The following NCAM2 variants were observed in gnomAD, a reference collection of about 807,000 sequenced individuals.
The protein encoded by NCAM2 is N-CAM-2.
In NCAM2, 30 loss-of-function variants were observed where a neutral mutation model predicts 98.1. That is an observed-to-expected ratio of 0.31 (90% CI 0.23 to 0.41). NCAM2 has a LOEUF of 0.41. NCAM2 is among the 10% of genes least tolerant of loss of function. The pLI is 1.00. For missense variants in NCAM2, 867 were observed against 1,005.8 expected, an observed-to-expected ratio of 0.86 and a Z score of 1.87; for synonymous variants, 368 against 342.4, an observed-to-expected ratio of 1.07 and a Z score of -0.83.
At chr21:21,079,317 T>A (rs2065744877) in intron 1 of NCAM2, among the ~76,000 whole-genome samples, 1 of 152,190 alleles carries the variant, frequency 6.6e-6, no homozygotes, top group Non-Finnish European at 1.5e-5. Flanking sequence ...AGAGATAATT[T>A]CATTCATTCA....
At chr21:21,088,844 C>T (rs8131285) in intron 1 of NCAM2, among the ~76,000 whole-genome samples, 34,603 of 151,504 alleles carry the variant, frequency 0.23, 4,562 homozygotes, top group African/African-American at 0.37. Context: ...TGGTGGCGGG[C>T]GCCTGTAGTC....
chr21:21,084,632 T>C (rs2065872730), intron 1 of NCAM2, among the ~76,000 whole-genome samples: 1 of 152,218 alleles, frequency 6.6e-6, no homozygotes, highest in African/African-American at 2.4e-5. Flanking sequence ...AATAAAACAT[T>C]AGAAATTCAC....
intron 5 of NCAM2, among the ~76,000 whole-genome samples, chr21:21,299,977 A>T (rs1021134417): frequency 6.6e-6 from 1 of 152,024 alleles, no homozygotes; most frequent in East Asian, 1.9e-4. Flanking sequence ...AATACTTAAT[A>T]CATTGTAGAT....
At chr21:21,351,055 A>G (rs1416989961) in intron 8 of NCAM2, among the ~76,000 whole-genome samples, 1 of 136,060 alleles carries the variant, frequency 7.3e-6, no homozygotes, top group Middle Eastern at 3.8e-3. Context: ...CGGAGGTTGC[A>G]GTGAGCTGAG....
intron 1 of NCAM2, among the ~76,000 whole-genome samples, chr21:21,040,216 G>A (rs1328249717): frequency 6.6e-6 from 1 of 152,060 alleles, no homozygotes; most frequent in Non-Finnish European, 1.5e-5. Flanking sequence ...GTTTCCTTTT[G>A]AAGATACTGA....
At chr21:21,031,982 G>A (rs1332679374) in intron 1 of NCAM2, among the ~76,000 whole-genome samples, 2 of 152,116 alleles carry the variant, frequency 1.3e-5, no homozygotes, top group African/African-American at 2.4e-5. Context: ...GCTACATACA[G>A]GAACATTAAG....
chr21:21,209,612 C>T (rs975862753), intron 1 of NCAM2, among the ~76,000 whole-genome samples: 43 of 152,018 alleles, frequency 2.8e-4, no homozygotes, highest in Non-Finnish European at 2.1e-4. Flanking sequence ...GAAGTGGGTC[C>T]ATCAACAAAG....
At chr21:21,224,283 G>A (rs965094694) in intron 1 of NCAM2, among the ~76,000 whole-genome samples, 9 of 152,134 alleles carry the variant, frequency 5.9e-5, no homozygotes, top group East Asian at 1.9e-4. Context: ...GAGAGTTAGC[G>A]AATGGCCCTC....
chr21:21,331,544 ACATATATATATATACTC>A (rs1390736327), intron 6 of NCAM2, among the ~76,000 whole-genome samples: 3 of 17,132 alleles, frequency 1.8e-4, no homozygotes, highest in Non-Finnish European at 1.7e-4. Context: ...TACTCTATAT[ACATATATATATATACTC>A]TATATACATA....
At chr21:21,452,575 T>A (rs1309320180) in intron 12 of NCAM2, among the ~76,000 whole-genome samples, 1 of 90,604 alleles carries the variant, frequency 1.1e-5, no homozygotes, top group Non-Finnish European at 2.4e-5. Flanking sequence ...GTATATATAT[T>A]GTATATATAT....
intron 9 of NCAM2, among the ~76,000 whole-genome samples, chr21:21,391,253 G>A (rs1220943573): frequency 6.6e-6 from 1 of 152,124 alleles, no homozygotes; most frequent in East Asian, 1.9e-4. Flanking sequence ...TAGACTGTTA[G>A]TATTTTTCAA....
At chr21:21,235,156 A>G (rs2070769931) in intron 1 of NCAM2, among the ~76,000 whole-genome samples, 1 of 151,896 alleles carries the variant, frequency 6.6e-6, no homozygotes, top group South Asian at 2.1e-4. Flanking sequence ...AAGTGGGGAG[A>G]GAGTTAACAT....
chr21:21,194,041 C>G (rs1265122994), intron 1 of NCAM2, among the ~76,000 whole-genome samples: 10 of 151,918 alleles, frequency 6.6e-5, no homozygotes, highest in Non-Finnish European at 1.2e-4. Context: ...AAAAACAAAG[C>G]AATGAGAAAG....
At chr21:21,100,295 T>C (rs2146485007) in intron 1 of NCAM2, among the ~76,000 whole-genome samples, 1 of 151,952 alleles carries the variant, frequency 6.6e-6, no homozygotes, top group East Asian at 1.9e-4. Flanking sequence ...GGACCAAGGA[T>C]TTACAAATTC....
rs536180314 is a variant in NCAM2, at chr21:21,541,576, A to T, written c.*3619A>T. 6.6e-6 allele frequency: 1 copy of T among 151,864 alleles called. No individual in the cohort carries two copies. The highest frequency in any genetic ancestry group is 1.9e-4 in the East Asian group (1 of 5,184). 9.4% of individuals were successfully genotyped at this position (151,864 alleles called of 1,614,324 possible). A position where few individuals can be genotyped will look rare whatever the true frequency, so the allele number is the denominator to read the frequency against. On this transcript the variant is annotated 3_prime_UTR_variant, in exon 18 of 18. Transcript: ENST00000400546. ...ACTTTTGAAAATCAAGCAAATTACTATGGTGTTTCTTGGGTCTTCATTATT... is the reference window on the plus strand; with the variant it reads ...ACTTTTGAAAATCAAGCAAATTACTTTGGTGTTTCTTGGGTCTTCATTATT...
At chr21:21,303,605 T>A (rs1458641692) in intron 5 of NCAM2, among the ~76,000 whole-genome samples, 1 of 152,152 alleles carries the variant, frequency 6.6e-6, no homozygotes. Flanking sequence ...CATGTTTTTA[T>A]ATCTCTTGGT....
chr21:21,255,093 C>T (rs1466873335), intron 1 of NCAM2, among the ~76,000 whole-genome samples: 4 of 151,992 alleles, frequency 2.6e-5, no homozygotes, highest in Non-Finnish European at 5.9e-5. Flanking sequence ...ATAATATTAA[C>T]AATTTGGGAA....
chr21:21,441,963 G>C (rs1194362406), intron 12 of NCAM2, among the ~76,000 whole-genome samples: 2 of 152,152 alleles, frequency 1.3e-5, no homozygotes, highest in African/African-American at 4.8e-5. Flanking sequence ...ACTGTTAGAA[G>C]TGCAGACTCT....
intron 1 of NCAM2, among the ~76,000 whole-genome samples, chr21:21,005,582 C>G (rs1326421958): frequency 6.6e-6 from 1 of 151,958 alleles, no homozygotes; most frequent in African/African-American, 2.4e-5. Context: ...AATTTCTTCA[C>G]TTTTATTTGT....
Sources: allele counts gnomAD v4.1 joint callset (sites outside exome capture counted in the v4.1 genomes callset), GRCh38; gene constraint gnomAD v4.1.1; transcripts MANE v1.5; gene names NCBI Gene and HGNC (gene_info 2026-07-23, HGNC 2026-07-21).